The following SCX variants were observed in gnomAD, a reference collection of about 807,000 sequenced individuals.
SCX encodes the protein scleraxis bHLH transcription factor.
In SCX, 7 loss-of-function variants were observed where a neutral mutation model predicts 12.2. The ratio of observed to expected loss-of-function variants is 0.57; its 90% CI spans 0.33 to 1.08. SCX has a LOEUF of 1.08. Ranked by LOEUF, SCX falls within the 50% of genes least tolerant of loss-of-function variation. SCX has a pLI of 0.04. For synonymous variants in SCX, 193 were observed against 163.9 expected (o/e 1.18, Z -1.36); for missense variants, 342 against 337.2 (o/e 1.01, Z -0.11).
chr8:144,266,547 C>T lies in SCX; in HGVS notation c.-67C>T, dbSNP rs1845370477. 3 of 997,322 alleles carry T rather than the reference C, an allele frequency of 3.0e-6. No individual in the cohort carries two copies. The highest frequency in any genetic ancestry group is 1.1e-4 in the East Asian group (1 of 9,488). The allele number at this position is 997,322 out of a possible 1,614,324, so 61.8% of individuals were successfully genotyped here. ...CTCGCCCCGGCCGGCCCGCGAGGCC[C>T]GCGGCGGCCGCAGGAGGCGGCATGA... On this transcript the variant is annotated 5_prime_UTR_variant, in exon 1 of 2. Transcript: ENST00000567180.
At position 144,268,282 on chromosome 8, in the gene SCX, C is replaced by G; in HGVS notation, c.*140C>G. ...CCCCCAGGCCAGCCCTGGCTGCGAG[C>G]GGGGCCGAGGGACAGACGGACGTAC... On this transcript the variant is annotated 3_prime_UTR_variant, in exon 2 of 2. Transcript: ENST00000567180. 2.3e-6 allele frequency: 3 copies of G among 1,287,914 alleles called. No individual in the cohort carries two copies. Among genetic ancestry groups the G allele is most frequent in the Non-Finnish European group, 3.2e-6 (3 of 930,498 alleles). The allele number at this position is 1,287,914 out of a possible 1,614,324, so 79.8% of individuals were successfully genotyped here. A position where few individuals can be genotyped will look rare whatever the true frequency, so the allele number is the denominator to read the frequency against.
In SCX at chr8:144,267,026, G is replaced by A. The variant is rs1359358299; in HGVS notation, c.413G>A (p.Gly138Asp). ...GNVLLAGEACGDGQPCHSGPA... is the reference protein window; with the variant it reads ...GNVLLAGEACDDGQPCHSGPA... ...GTGCTGCTGGCGGGCGAGGCCTGCG[G>A]CGACGGACAGCCCTGCCACTCCGGG... Residue 138 changes from glycine (G) to aspartate (D), a missense_variant, in exon 1 of 2, where the codon GGC (glycine) becomes GAC (aspartate). By Grantham distance (94) the Gly-to-Asp change is moderately conservative (BLOSUM62 -1). Transcript: ENST00000567180. The A allele has an allele frequency of 5.9e-6, 9 of 1,519,834 alleles. No individual in the cohort carries two copies. The highest frequency in any genetic ancestry group is 2.8e-5 in the East Asian group (1 of 36,228). The allele number at this position is 1,519,834 out of a possible 1,614,324, so 94.1% of individuals were successfully genotyped here.
chr8:144,267,272 G>T, intron 1 of SCX, 92 bp downstream of exon 1: 1 of 1,382,364 alleles, frequency 7.2e-7, no homozygotes, highest in Non-Finnish European at 9.3e-7. Flanking sequence ...ACACGGGCAG[G>T]GCTCCCCAAC....
Position 144,267,076 on chromosome 8 carries a change from G to A in SCX, c.463G>A (p.Ala155Thr), listed in dbSNP as rs1198084695. 6 of 1,404,426 alleles carry A rather than the reference G, an allele frequency of 4.3e-6. No homozygotes were observed. Among genetic ancestry groups the A allele is most frequent in the East Asian group, 3.1e-5 (1 of 32,186 alleles). The allele number at this position is 1,404,426 out of a possible 1,614,324, so 87.0% of individuals were successfully genotyped here. A position where few individuals can be genotyped will look rare whatever the true frequency, so the allele number is the denominator to read the frequency against. ...SGPAFFHAAR[A>T]GSPPPPPPPP... Reference sequence around the variant, plus strand: ...GCCCGCCTTCTTCCACGCGGCGCGCGCCGGCAGCCCCCCGCCGCCGCCCCC... The same window carrying A: ...GCCCGCCTTCTTCCACGCGGCGCGCACCGGCAGCCCCCCGCCGCCGCCCCC... The change falls in exon 1 of 2, where the codon GCC becomes ACC. Residue 155 changes from alanine (A) to threonine (T), a missense_variant. Transcript: ENST00000567180.
chr8:144,267,072 G>C lies in SCX; in HGVS notation c.459G>C (p.Ala153=). The C allele has an allele frequency of 7.1e-7, 1 of 1,412,922 alleles. No individual in the cohort carries two copies. The allele number at this position is 1,412,922 out of a possible 1,614,324, so 87.5% of individuals were successfully genotyped here. The part of the protein sequence containing the change: ...CHSGPAFFHA[A]RAGSPPPPPP... ...CCGGGCCCGCCTTCTTCCACGCGGCGCGCGCCGGCAGCCCCCCGCCGCCGC... is the reference window on the plus strand; with the variant it reads ...CCGGGCCCGCCTTCTTCCACGCGGCCCGCGCCGGCAGCCCCCCGCCGCCGC... The change falls in exon 1 of 2, where the codon GCG becomes GCC. Residue 153 remains alanine, a synonymous_variant. Coordinates refer to ENST00000567180, the MANE Select transcript of SCX (RefSeq NM_001080514.3).
rs1448412997 is a variant in SCX, at chr8:144,268,283, G to C, written c.*141G>C. The C allele has an allele frequency of 2.4e-6, 3 of 1,260,976 alleles. No individual in the cohort carries two copies. Among genetic ancestry groups the C allele is most frequent in the Non-Finnish European group, 3.3e-6 (3 of 907,140 alleles). The allele number at this position is 1,260,976 out of a possible 1,614,324, so 78.1% of individuals were successfully genotyped here. A position where few individuals can be genotyped will look rare whatever the true frequency, so the allele number is the denominator to read the frequency against. ...CCCCAGGCCAGCCCTGGCTGCGAGCGGGGCCGAGGGACAGACGGACGTACA... is the reference window on the plus strand; with the variant it reads ...CCCCAGGCCAGCCCTGGCTGCGAGCCGGGCCGAGGGACAGACGGACGTACA... On this transcript the variant is annotated 3_prime_UTR_variant, in exon 2 of 2. Transcript: ENST00000567180.
rs1376025363 is a variant in SCX at position 144,268,085 on chromosome 8, T to G, written c.568-19T>G. 3.2e-6 allele frequency: 5 copies of G among 1,549,942 alleles called. No individual in the cohort carries two copies. The African/African-American group carries it at 5.5e-5, about 17-fold the overall frequency. ...GCTGGGCTCTGCCGGGGCCTGACAC[T>G]CCTCCCTCCCCTCTGCAGAGCAAGG... On this transcript the variant is annotated intron_variant, in intron 1 of 1. Coordinates refer to ENST00000567180, the MANE Select transcript of SCX (RefSeq NM_001080514.3).
Position 144,266,808 on chromosome 8 carries a change from G to T in SCX, c.195G>T (p.Gly65=), listed in dbSNP as rs1468531688. Residue 65 remains glycine, a synonymous_variant, in exon 1 of 2, where the codon GGG becomes GGT. Transcript: ENST00000567180. ...GGGGCCGGCGGGCCGGGGGCGGGGG[G>T]CCAGGGGGCCGGCCAGGCCGTGAGC... The part of the protein sequence containing the change: ...RAGGRRAGGG[G]PGGRPGREPR... The T allele has an allele frequency of 8.7e-6, 10 of 1,154,440 alleles. No homozygotes were observed. The African/African-American group carries it at 9.8e-5, about 11-fold the overall frequency. 71.5% of individuals were successfully genotyped at this position (1,154,440 alleles called of 1,614,324 possible).
Position 144,266,599 on chromosome 8 carries a change from G to GC in SCX, c.-10dup. The stretch of plus-strand genomic sequence containing the variant: ...CAGCGCGCGACAGAGCTGACGCCGC[G>GC]CCCCCGCCGGCCCCATGTCCTTCGC... On this transcript the variant is annotated 5_prime_UTR_variant, in exon 1 of 2. Transcript: ENST00000567180. 4.5e-6 allele frequency: 5 copies of GC among 1,111,282 alleles called. No individual in the cohort carries two copies. Among genetic ancestry groups the GC allele is most frequent in the Admixed American group, 4.9e-5 (1 of 20,342 alleles). 68.8% of individuals were successfully genotyped at this position (1,111,282 alleles called of 1,614,324 possible). A position where few individuals can be genotyped will look rare whatever the true frequency, so the allele number is the denominator to read the frequency against.
chr8:144,268,046 A>G, intron 1 of SCX, 58 bp from the exon 2 acceptor site: 7 of 1,548,886 alleles, frequency 4.5e-6, no homozygotes, highest in Non-Finnish European at 6.1e-6. Context: ...GAGGCCAGAG[A>G]GGCGCAGACT....
Position 144,266,653 on chromosome 8 carries a change from T to C in SCX, c.40T>C (p.Tyr14His). 1 of 1,254,884 alleles carries C rather than the reference T, an allele frequency of 8.0e-7. No homozygotes were observed. 77.7% of individuals were successfully genotyped at this position (1,254,884 alleles called of 1,614,324 possible). The change falls in exon 1 of 2, where the codon TAC (tyrosine) becomes CAC (histidine). Residue 14 changes from tyrosine (Y) to histidine (H), a missense_variant. Coordinates refer to ENST00000567180, the MANE Select transcript of SCX (RefSeq NM_001080514.3). ...GCTGCGCCCGGCGCCGCCGGGCCGC[T>C]ACCTGTACCCCGAGGTGAGCCCGCT... is the stretch of plus-strand genomic sequence containing the variant. ...ATLRPAPPGRYLYPEVSPLSE... is the reference protein window; with the variant it reads ...ATLRPAPPGRHLYPEVSPLSE...
Position 144,268,367 on chromosome 8 carries a change from A to G in SCX, c.*225A>G. 1.6e-6 allele frequency: 1 copy of G among 607,434 alleles called. No individual in the cohort carries two copies. Among genetic ancestry groups the G allele is most frequent in the Non-Finnish European group, 2.9e-6 (1 of 346,194 alleles). The allele number at this position is 607,434 out of a possible 1,614,324, so 37.6% of individuals were successfully genotyped here. A position where few individuals can be genotyped will look rare whatever the true frequency, so the allele number is the denominator to read the frequency against. On this transcript the variant is annotated 3_prime_UTR_variant, in exon 2 of 2. Coordinates refer to ENST00000567180, the MANE Select transcript of SCX (RefSeq NM_001080514.3). ...CCAGCACCTGCCCGGGCCCACTGGA[A>G]CTTTCTGCGCTGGCTTTTCTTCCGG...
chr8:144,267,084 C>A lies in SCX; in HGVS notation c.471C>A (p.Ser157Arg). Residue 157 changes from serine (S) to arginine (R), a missense_variant, in exon 1 of 2, where the codon AGC becomes AGA. This residue lies in a region of SCX where 161 missense variants were observed against 155.7 expected (regional missense o/e 1.03). Transcript: ENST00000567180. ...PAFFHAARAG[S>R]PPPPPPPPPA... ...TCTTCCACGCGGCGCGCGCCGGCAGCCCCCCGCCGCCGCCCCCGCCGCCTC... is the reference window on the plus strand; with the variant it reads ...TCTTCCACGCGGCGCGCGCCGGCAGACCCCCGCCGCCGCCCCCGCCGCCTC... 7.3e-7 allele frequency: 1 copy of A among 1,370,760 alleles called. No individual in the cohort carries two copies. Among genetic ancestry groups the A allele is most frequent in the Non-Finnish European group, 9.3e-7 (1 of 1,070,446 alleles). The allele number at this position is 1,370,760 out of a possible 1,614,324, so 84.9% of individuals were successfully genotyped here.
rs1424116837 is a variant in SCX, at chr8:144,267,012, G to A, written c.399G>A (p.Ala133=). ...CGCACCTGGGCAACGTGCTGCTGGCGGGCGAGGCCTGCGGCGACGGACAGC... is the reference window on the plus strand; with the variant it reads ...CGCACCTGGGCAACGTGCTGCTGGCAGGCGAGGCCTGCGGCGACGGACAGC... ...YISHLGNVLL[A]GEACGDGQPC... The change falls in exon 1 of 2, where the codon GCG becomes GCA. Residue 133 remains alanine, a synonymous_variant. Coordinates refer to ENST00000567180, the MANE Select transcript of SCX (RefSeq NM_001080514.3). The A allele has an allele frequency of 2.2e-5, 34 of 1,535,458 alleles. No individual in the cohort carries two copies. The highest frequency in any genetic ancestry group is 2.1e-4 in the Middle Eastern group (1 of 4,694).
chr8:144,266,524 C>T lies in SCX; in HGVS notation c.-90C>T, dbSNP rs1361525887. ...GGGGCGCAGCCGAGACCCCGCGCCT[C>T]GCCCCGGCCGGCCCGCGAGGCCCGC... On this transcript the variant is annotated 5_prime_UTR_variant, in exon 1 of 2. Transcript: ENST00000567180. The T allele has an allele frequency of 4.0e-6, 4 of 990,544 alleles. No homozygotes were observed. The African/African-American group carries it at 7.0e-5, about 17-fold the overall frequency. The allele number at this position is 990,544 out of a possible 1,614,324, so 61.4% of individuals were successfully genotyped here. A position where few individuals can be genotyped will look rare whatever the true frequency, so the allele number is the denominator to read the frequency against.
chr8:144,266,774 G>A lies in SCX; in HGVS notation c.161G>A (p.Arg54Gln), dbSNP rs1845378425. ...AARCGLQGAR[R>Q]RAGGRRAGGG... ...CGCTGCGGCCTCCAGGGCGCCCGGC[G>A]GAGGGCGGGGGGCCGGCGGGCCGGG... The change falls in exon 1 of 2, where the codon CGG becomes CAG. Residue 54 changes from arginine to glutamine, a missense_variant. By Grantham distance (43) the Arg-to-Gln change is conservative (BLOSUM62 1). Coordinates refer to ENST00000567180, the MANE Select transcript of SCX (RefSeq NM_001080514.3). The A allele has an allele frequency of 9.2e-7, 1 of 1,086,784 alleles. No homozygotes were observed. The highest frequency in any genetic ancestry group is 1.1e-6 in the Non-Finnish European group (1 of 896,536). The allele number at this position is 1,086,784 out of a possible 1,614,324, so 67.3% of individuals were successfully genotyped here.
chr8:144,268,299 CG>C lies in SCX; in HGVS notation c.*159del. 1 of 1,099,000 alleles carries C rather than the reference CG, an allele frequency of 9.1e-7. No individual in the cohort carries two copies. Among genetic ancestry groups the C allele is most frequent in the Non-Finnish European group, 1.3e-6 (1 of 771,054 alleles). The allele number at this position is 1,099,000 out of a possible 1,614,324, so 68.1% of individuals were successfully genotyped here. On this transcript the variant is annotated 3_prime_UTR_variant, in exon 2 of 2. Transcript: ENST00000567180. ...GCTGCGAGCGGGGCCGAGGGACAGA[CG>C]GACGTACAGACAGGCGCCGGCAGCG... is the stretch of plus-strand genomic sequence containing the variant.
In SCX at chr8:144,266,529, C is replaced by G; in HGVS notation, c.-85C>G. ...GCAGCCGAGACCCCGCGCCTCGCCC[C>G]GGCCGGCCCGCGAGGCCCGCGGCGG... is the stretch of plus-strand genomic sequence containing the variant. On this transcript the variant is annotated 5_prime_UTR_variant, in exon 1 of 2. Coordinates refer to ENST00000567180, the MANE Select transcript of SCX (RefSeq NM_001080514.3). 7 of 991,732 alleles carry G rather than the reference C, an allele frequency of 7.1e-6. No individual in the cohort carries two copies. Among genetic ancestry groups the G allele is most frequent in the Non-Finnish European group, 8.4e-6 (7 of 835,292 alleles). 61.4% of individuals were successfully genotyped at this position (991,732 alleles called of 1,614,324 possible). A position where few individuals can be genotyped will look rare whatever the true frequency, so the allele number is the denominator to read the frequency against.
chr8:144,267,040 T>C lies in SCX; in HGVS notation c.427T>C (p.Cys143Arg). Residue 143 changes from cysteine (C) to arginine (R), a missense_variant, in exon 1 of 2, where the codon TGC (cysteine) becomes CGC (arginine). Around this residue, in one of 3 missense-constraint regions of SCX, gnomAD observed 161 missense variants for 155.7 expected, o/e 1.03. Coordinates refer to ENST00000567180, the MANE Select transcript of SCX (RefSeq NM_001080514.3). ...AGEACGDGQP[C>R]HSGPAFFHAA... is the part of the protein sequence containing the mutation. Reference sequence around the variant, plus strand: ...CGAGGCCTGCGGCGACGGACAGCCCTGCCACTCCGGGCCCGCCTTCTTCCA... The same window carrying C: ...CGAGGCCTGCGGCGACGGACAGCCCCGCCACTCCGGGCCCGCCTTCTTCCA... 1 of 1,517,702 alleles carries C rather than the reference T, an allele frequency of 6.6e-7. No individual in the cohort carries two copies. The highest frequency in any genetic ancestry group is 8.8e-7 in the Non-Finnish European group (1 of 1,140,014). 94.0% of individuals were successfully genotyped at this position (1,517,702 alleles called of 1,614,324 possible).
Sources: gnomAD v4.1 joint callset for allele counts on GRCh38, gnomAD v4.1.1 for gene constraint, gnomAD v4.1.1 regional missense constraint, MANE v1.5 for transcripts, NCBI Gene and HGNC (gene_info 2026-07-23, HGNC 2026-07-21) for gene names.